Variants in HSPA12A observed in about 807,000 individuals in gnomAD.
The protein encoded by HSPA12A is heat shock protein family A (Hsp70) member 12A.
In HSPA12A, 28 loss-of-function variants were observed where a neutral mutation model predicts 69.2. The observed-to-expected ratio is 0.40, with a 90% CI of 0.30 to 0.55. The LOEUF (loss-of-function observed/expected upper bound fraction) is 0.55. Among genes scored for constraint, HSPA12A ranks in the 20% least tolerant of loss-of-function variants. The probability of loss-of-function intolerance (pLI) is 0.38; values close to 1 mark genes in which losing one functional copy is unlikely to be tolerated. For synonymous variants in HSPA12A, 345 were observed against 370.5 expected, an observed-to-expected ratio of 0.93 and a Z score of 0.79; for missense variants, 686 against 900.7, an observed-to-expected ratio of 0.76 and a Z score of 3.05.
At chr10:116,708,461 A>T (rs1850326835) in intron 1 of HSPA12A, among the ~76,000 whole-genome samples, 1 of 152,130 alleles carries the variant, frequency 6.6e-6, no homozygotes, top group Non-Finnish European at 1.5e-5. Flanking sequence ...CTGCTAAATC[A>T]CTTTGGGTTA....
chr10:116,679,344 T>C (rs948355412), intron 10 of HSPA12A, among the ~76,000 whole-genome samples, 159 bp downstream of exon 10: 1 of 152,204 alleles, frequency 6.6e-6, no homozygotes, highest in Non-Finnish European at 1.5e-5. Context: ...CCATTTTCCA[T>C]GTGAAAAAAA....
At chr10:116,792,502 C>T (rs185053207) in intron 2 of HSPA12A, among the ~76,000 whole-genome samples, 3 of 151,376 alleles carry the variant, frequency 2.0e-5, no homozygotes, top group Non-Finnish European at 4.4e-5. Flanking sequence ...ATCAGCTGGG[C>T]GCAGTAGCAC....
At chr10:116,816,848 C>A (rs1845316245) in intron 2 of HSPA12A, among the ~76,000 whole-genome samples, 1 of 150,290 alleles carries the variant, frequency 6.7e-6, no homozygotes, top group South Asian at 2.1e-4. Context: ...ACGCTTCCAA[C>A]AACACCTTTG....
chr10:116,844,301 CT>C (rs1317721185), intron 1 of HSPA12A, among the ~76,000 whole-genome samples: 3 of 152,292 alleles, frequency 2.0e-5, no homozygotes, highest in Middle Eastern at 6.8e-3. Context: ...GTAGTTGCAA[CT>C]GTTGTTTTGG....
Position 116,692,368 on chromosome 10 carries a change from T to C in HSPA12A, c.646A>G (p.Arg216Gly). 2 of 1,614,070 alleles carry C rather than the reference T, an allele frequency of 1.2e-6. No individual in the cohort carries two copies. The highest frequency in any genetic ancestry group is 1.7e-6 in the Non-Finnish European group (2 of 1,179,938). The part of the protein sequence containing the change: ...IWKQPAKQFM[R>G]QAAYQAGLAS... Reference sequence around the variant, plus strand: ...ACCCTCACCTGGTAGGCAGCTTGTCTCATGAACTGCTTGGCCGGCTGCTTC... The same window carrying C: ...ACCCTCACCTGGTAGGCAGCTTGTCCCATGAACTGCTTGGCCGGCTGCTTC... Residue 216 changes from arginine (R) to glycine (G), a missense_variant, in exon 6 of 12, where the codon AGA (arginine) becomes GGA (glycine). Transcript: ENST00000369209.
Position 116,675,006 on chromosome 10 carries a change from G to T in HSPA12A, c.1803C>A (p.Asn601Lys). Residue 601 changes from asparagine (N) to lysine (K), a missense_variant, in exon 12 of 12, where the codon AAC (asparagine) becomes AAA (lysine). Physicochemically the swap from Asn to Lys is moderately conservative, Grantham distance 94. Transcript: ENST00000369209. This position sits in a 1 kb window ranked among gnomAD's most constrained non-coding sequence, Gnocchi z 5.2. ...CGTTGTCGTGCTCAGAGCTGTAGAT[G>T]TTGATGACAATGACCAGCTGGGAGG... is the stretch of plus-strand genomic sequence containing the variant. ...AKPSQLVIVINIYSSEHDNVS... is the reference protein window; with the variant it reads ...AKPSQLVIVIKIYSSEHDNVS... 2 of 1,614,208 alleles carry T rather than the reference G, an allele frequency of 1.2e-6. No homozygotes were observed. Among genetic ancestry groups the T allele is most frequent in the Admixed American group, 3.3e-5 (2 of 60,032 alleles).
intron 2 of HSPA12A, among the ~76,000 whole-genome samples, chr10:116,779,604 A>G (rs1041832993): frequency 6.6e-6 from 1 of 152,202 alleles, no homozygotes; most frequent in African/African-American, 2.4e-5. Context: ...CCAGGCCCGA[A>G]CAAAGACAAC....
Position 116,734,300 on chromosome 10 carries a change from A to AT in HSPA12A, c.40+8129dup, listed in dbSNP as rs1241478390. The stretch of plus-strand genomic sequence containing the variant: ...CTCTGCCTCTACTAAAAATACAAAA[A>AT]TTAGCTGGACATGGTGGCACACACC... On this transcript the variant is annotated intron_variant, in intron 1 of 11. Coordinates refer to ENST00000369209, the MANE Select transcript of HSPA12A (RefSeq NM_025015.3). Among the ~76,000 whole-genome samples, 3 of 151,996 alleles carry AT rather than the reference A, an allele frequency of 2.0e-5. No homozygotes were observed. In the East Asian group the frequency reaches 5.8e-4, roughly 29 times the overall value.
chr10:116,679,426 A>G, intron 10 of HSPA12A, 77 bp downstream of exon 10: 1 of 1,556,070 alleles, frequency 6.4e-7, no homozygotes, highest in South Asian at 1.2e-5. Flanking sequence ...CCCGAAGTCC[A>G]CACTTCGCTC....
Position 116,686,534 on chromosome 10 carries a change from G to A in HSPA12A, c.664-2572C>T, listed in dbSNP as rs1253598237. Among the ~76,000 whole-genome samples the A allele has an allele frequency of 3.9e-5, 6 of 152,214 alleles. No homozygotes were observed. The highest frequency in any genetic ancestry group is 1.4e-4 in the African/African-American group (6 of 41,450). On this transcript the variant is annotated intron_variant, in intron 6 of 11. Transcript: ENST00000369209. The surrounding 1 kb of genome is among the most constrained non-coding windows in gnomAD (Gnocchi z 4.1). ...CATGAGTGGAGCCCAAGGAGTTGGT[G>A]TGAAGGAAGAAAGGCAAAGACCCAG...
In HSPA12A at chr10:116,705,138, C is replaced by T. The variant is rs1554882191; in HGVS notation, c.254+13G>A. ...GGCACCAGCCACGTGGCCCTCCCAC[C>T]CACAGCACTCACCTCATCACATGGA... On this transcript the variant is annotated intron_variant, in intron 3 of 11. Coordinates refer to ENST00000369209, the MANE Select transcript of HSPA12A (RefSeq NM_025015.3). The T allele has an allele frequency of 6.2e-7, 1 of 1,613,906 alleles. No homozygotes were observed. The highest frequency in any genetic ancestry group is 2.2e-5 in the East Asian group (1 of 44,856).
intron 1 of HSPA12A, among the ~76,000 whole-genome samples, chr10:116,719,567 G>C (rs1437004292): frequency 4.6e-5 from 7 of 152,224 alleles, no homozygotes; most frequent in Admixed American, 4.6e-4. Flanking sequence ...CTGATTCCTA[G>C]TTATGCAATC....
chr10:116,794,970 T>A (rs987252970), intron 2 of HSPA12A, among the ~76,000 whole-genome samples: 3 of 152,198 alleles, frequency 2.0e-5, no homozygotes, highest in Admixed American at 6.6e-5. Flanking sequence ...TCAAAACTTA[T>A]AAGATGTAAC....
chr10:116,676,464 C>T lies in HSPA12A; in HGVS notation c.1325G>A (p.Arg442Gln), dbSNP rs371358207. 114 of 1,613,876 alleles carry T rather than the reference C, an allele frequency of 7.1e-5. No individual in the cohort carries two copies. Among genetic ancestry groups the T allele is most frequent in the Non-Finnish European group, 9.0e-5 (106 of 1,180,030 alleles). ...FVKWSSQGML[R>Q]MSPDAMNALF... ...GGCGTTCATGGCATCTGGACTCATC[C>T]GCAGCATCCCCTGCGAGGACCACTT... Residue 442 changes from arginine (R) to glutamine (Q), a missense_variant, in exon 11 of 12, where the codon CGG (arginine) becomes CAG (glutamine). By Grantham distance (43) the Arg-to-Gln change is conservative. Transcript: ENST00000369209.
chr10:116,815,365 A>C (rs1845282753), intron 2 of HSPA12A, among the ~76,000 whole-genome samples: 1 of 152,058 alleles, frequency 6.6e-6, no homozygotes, highest in South Asian at 2.1e-4. Context: ...CAGGAGTTTG[A>C]GACCAGCCTG....
intron 2 of HSPA12A, among the ~76,000 whole-genome samples, chr10:116,825,779 C>T (rs1845491017): frequency 6.6e-6 from 1 of 152,056 alleles, no homozygotes; most frequent in South Asian, 2.1e-4. Context: ...TAAAATTGAT[C>T]ATGGTGATGG....
chr10:116,701,742 T>C (rs782561560), intron 3 of HSPA12A, among the ~76,000 whole-genome samples: 1 of 152,104 alleles, frequency 6.6e-6, no homozygotes, highest in East Asian at 1.9e-4. Flanking sequence ...ACTGCGTTGG[T>C]TGGAGAGAGT....
rs1554882249 is a variant in HSPA12A, at chr10:116,705,290, C to T, written c.127-12G>A. ...GAGTCAGTGTCGTTCTGCAGATATA[C>T]AGTGAGGCATGGGGGGTGTGGAGGG... is the stretch of plus-strand genomic sequence containing the variant. On this transcript the variant is annotated splice_polypyrimidine_tract_variant and intron_variant, in intron 2 of 11. Coordinates refer to ENST00000369209, the MANE Select transcript of HSPA12A (RefSeq NM_025015.3). 2 of 1,614,020 alleles carry T rather than the reference C, an allele frequency of 1.2e-6. No homozygotes were observed. Among genetic ancestry groups the T allele is most frequent in the South Asian group, 1.1e-5 (1 of 91,080 alleles).
intron 2 of HSPA12A, among the ~76,000 whole-genome samples, chr10:116,788,600 T>C (rs905878667): frequency 2.6e-5 from 4 of 152,158 alleles, no homozygotes; most frequent in African/African-American, 7.2e-5. Context: ...TATCAACACA[T>C]ACACAGAGAT....
Sources: gnomAD v4.1 joint callset for allele counts (sites outside exome capture counted in the v4.1 genomes callset) on GRCh38, gnomAD v4.1.1 for gene constraint, Gnocchi (gnomAD v3.1) non-coding constraint, MANE v1.5 for transcripts, NCBI Gene and HGNC (gene_info 2026-07-23, HGNC 2026-07-21) for gene names.